MCPH1: variants seen among roughly 807,000 people sequenced by gnomAD.
MCPH1 encodes microcephalin 1.
In MCPH1, 104 loss-of-function variants were observed where a neutral mutation model predicts 84.5. That is an observed-to-expected ratio of 1.23 (90% CI 1.05 to 1.45). The LOEUF (loss-of-function observed/expected upper bound fraction) is 1.45, where lower values mean the gene tolerates loss of function less well. Among genes scored for constraint, MCPH1 ranks in the 40% most tolerant of loss-of-function variants. The pLI is 0.00. For synonymous variants in MCPH1, 514 were observed against 366.8 expected, an observed-to-expected ratio of 1.40 and a Z score of -4.58; for missense variants, 1,498 against 1,005.7, an observed-to-expected ratio of 1.49 and a Z score of -6.62.
At chr8:6,628,059 T>C (rs1019721994) in intron 13 of MCPH1, among the ~76,000 whole-genome samples, 2 of 152,156 alleles carry the variant, frequency 1.3e-5, no homozygotes, top group Admixed American at 6.5e-5. Context: ...TTGGTCAAAC[T>C]AATGGTCCTG....
chr8:6,633,695 A>C (rs1465150088), intron 13 of MCPH1, among the ~76,000 whole-genome samples: 1 of 152,124 alleles, frequency 6.6e-6, no homozygotes, highest in Non-Finnish European at 1.5e-5. Context: ...GCACGCCCAC[A>C]ATGTGTAATA....
intron 4 of MCPH1, among the ~76,000 whole-genome samples, chr8:6,433,705 T>A (rs1296147799): frequency 6.6e-6 from 1 of 151,882 alleles, no homozygotes; most frequent in Non-Finnish European, 1.5e-5. Flanking sequence ...ATCTTTTTAA[T>A]TTTTCCTAAT....
intron 1 of MCPH1, among the ~76,000 whole-genome samples, chr8:6,407,331 C>T (rs1183811562): frequency 6.6e-6 from 1 of 151,972 alleles, no homozygotes; most frequent in Non-Finnish European, 1.5e-5. Context: ...ATTTTTTTAA[C>T]CGCTCTATCA....
At chr8:6,553,200 G>C (rs1209434020) in intron 12 of MCPH1, among the ~76,000 whole-genome samples, 3 of 152,196 alleles carry the variant, frequency 2.0e-5, no homozygotes, top group African/African-American at 7.2e-5. Context: ...GTGTGCCACG[G>C]AGGGGGGATA....
chr8:6,475,389 C>G (rs1411295212), intron 9 of MCPH1, among the ~76,000 whole-genome samples: 1 of 152,230 alleles, frequency 6.6e-6, no homozygotes, highest in African/African-American at 2.4e-5. Flanking sequence ...CTGGCAGACG[C>G]CCTTGTGGCT....
chr8:6,496,175 T>C (rs531825650), intron 11 of MCPH1, among the ~76,000 whole-genome samples: 1 of 152,256 alleles, frequency 6.6e-6, no homozygotes, highest in East Asian at 1.9e-4. Flanking sequence ...GACAGTCCCA[T>C]CGGGGGGTGA....
chr8:6,442,528 C>T (rs576055874), intron 7 of MCPH1, among the ~76,000 whole-genome samples: 4 of 152,216 alleles, frequency 2.6e-5, no homozygotes, highest in South Asian at 2.1e-4. Flanking sequence ...TGTTATTGAA[C>T]GGGGTCAGTG....
rs1804098189 is a variant in MCPH1, at chr8:6,445,129, A to T, written c.1407A>T (p.Arg469Ser). Residue 469 changes from arginine (R) to serine (S), a missense_variant, in exon 8 of 14, where the codon AGA becomes AGT. Arg to Ser is a moderately radical substitution (Grantham distance 110, BLOSUM62 -1). Coordinates refer to ENST00000344683, the MANE Select transcript of MCPH1 (RefSeq NM_024596.5). ...TTTCCTGCGTTGGCAAAAAAACCAG[A>T]ACAGTTGACATTACCAATTTCACAG... is the stretch of plus-strand genomic sequence containing the variant. ...SDFSCVGKKT[R>S]TVDITNFTAK... The T allele has an allele frequency of 6.2e-7, 1 of 1,614,162 alleles. No individual in the cohort carries two copies. The highest frequency in any genetic ancestry group is 8.5e-7 in the Non-Finnish European group (1 of 1,180,060).
At position 6,609,819 on chromosome 8, in the gene MCPH1, G is replaced by GCCCCCCCCC. The variant is rs11280683; in HGVS notation, c.2215-11633_2215-11625dup. Reference sequence around the variant, plus strand: ...TCTCATTATCAAAGCAATGCCCCCCGCCCCCCCCCCACACACAGACTGCCA... The same window carrying GCCCCCCCCC: ...TCTCATTATCAAAGCAATGCCCCCCGCCCCCCCCCCCCCCCCCCCACACACAGACTGCCA... On this transcript the variant is annotated intron_variant, in intron 12 of 13. Transcript: ENST00000344683. Among the ~76,000 whole-genome samples the GCCCCCCCCC allele has an allele frequency of 7.9e-4, 82 of 104,062 alleles. 9 individuals are homozygous for GCCCCCCCCC. The highest frequency in any genetic ancestry group is 2.7e-3 in the South Asian group (6 of 2,218). 68.3% of individuals were successfully genotyped at this position (104,062 alleles called of 152,430 possible). A position where few individuals can be genotyped will look rare whatever the true frequency, so the allele number is the denominator to read the frequency against.
rs1204831975 is a variant in MCPH1, at chr8:6,444,399, A to G, written c.677A>G (p.Tyr226Cys). The change falls in exon 8 of 14, where the codon TAC becomes TGC. Residue 226 changes from tyrosine (Y) to cysteine (C), a missense_variant. By Grantham distance (194) the Tyr-to-Cys change is radical. Coordinates refer to ENST00000344683, the MANE Select transcript of MCPH1 (RefSeq NM_024596.5). ...ISRDTLCSDE[Y>C]FAGGLHSSFD... The stretch of plus-strand genomic sequence containing the variant: ...CTCCGTTAATGTTTTCCAGATGAAT[A>G]CTTTGCTGGTGGCTTACACTCATCT... 1 of 1,614,118 alleles carries G rather than the reference A, an allele frequency of 6.2e-7. No individual in the cohort carries two copies. Among genetic ancestry groups the G allele is most frequent in the Admixed American group, 1.7e-5 (1 of 60,028 alleles).
chr8:6,555,994 C>A (rs568433446), intron 12 of MCPH1, among the ~76,000 whole-genome samples: 5 of 152,296 alleles, frequency 3.3e-5, no homozygotes, highest in Non-Finnish European at 5.9e-5. Context: ...CAATCGGAAT[C>A]TGTCAAGTCT....
rs187657755 is a variant in MCPH1, at chr8:6,479,969, A to C, written c.1974-745A>C. Among the ~76,000 whole-genome samples the C allele has an allele frequency of 1.1e-3, 160 of 152,292 alleles. 1 individual carries two copies. The highest frequency in any genetic ancestry group is 3.8e-3 in the African/African-American group (156 of 41,560). ...GTAGAAAAACTATGTGTTGATACTC[A>C]ATAAATATTACATTTTCAAAATAAA... is the stretch of plus-strand genomic sequence containing the variant. On this transcript the variant is annotated intron_variant, in intron 10 of 13. Transcript: ENST00000344683.
chr8:6,635,074 T>G (rs1264641860), intron 13 of MCPH1: 1 of 152,188 alleles, frequency 6.6e-6, no homozygotes, highest in Non-Finnish European at 1.5e-5. Flanking sequence ...GGTGGTGGTT[T>G]AGAAGAATTC....
intron 12 of MCPH1, among the ~76,000 whole-genome samples, chr8:6,580,202 G>C (rs1827442672): frequency 6.6e-6 from 1 of 152,210 alleles, no homozygotes. Context: ...GACGGCCTCA[G>C]ACCCCAGCCA....
intron 9 of MCPH1, among the ~76,000 whole-genome samples, chr8:6,459,396 C>T (rs1470639989): frequency 6.6e-6 from 1 of 152,130 alleles, no homozygotes; most frequent in Non-Finnish European, 1.5e-5. Context: ...CTGCCTCAGC[C>T]TCCCAGGTAG....
intron 2 of MCPH1, among the ~76,000 whole-genome samples, chr8:6,411,882 G>A (rs564802173): frequency 8.5e-5 from 13 of 152,280 alleles, no homozygotes; most frequent in African/African-American, 2.9e-4. Context: ...GGGAACTAAT[G>A]TGCTCTTATA....
chr8:6,603,501 T>C (rs1485216382), intron 12 of MCPH1, among the ~76,000 whole-genome samples: 4 of 152,226 alleles, frequency 2.6e-5, no homozygotes, highest in Non-Finnish European at 5.9e-5. Flanking sequence ...AAAATGATCC[T>C]GTAGAGCGTT....
In MCPH1 at chr8:6,612,859, G is replaced by A. The variant is rs1253548563; in HGVS notation, c.2215-8595G>A. On this transcript the variant is annotated intron_variant, in intron 12 of 13. Coordinates refer to ENST00000344683, the MANE Select transcript of MCPH1 (RefSeq NM_024596.5). Reference sequence around the variant, plus strand: ...AAGGCAGAGCGTGTGAGTTTAGTGGGCGTGCGCCACTCTTTCAAGAAGTTT... The same window carrying A: ...AAGGCAGAGCGTGTGAGTTTAGTGGACGTGCGCCACTCTTTCAAGAAGTTT... Among the ~76,000 whole-genome samples the A allele has an allele frequency of 2.6e-5, 4 of 152,250 alleles. No homozygotes were observed. In the East Asian group the frequency reaches 7.7e-4, roughly 29 times the overall value.
chr8:6,562,084 A>C (rs1825626013), intron 12 of MCPH1, among the ~76,000 whole-genome samples: 1 of 152,218 alleles, frequency 6.6e-6, no homozygotes, highest in South Asian at 2.1e-4. Flanking sequence ...TGAGATTCTG[A>C]GAAACATAAG....
Sources: gnomAD v4.1 joint callset for allele counts (sites outside exome capture counted in the v4.1 genomes callset) on GRCh38, gnomAD v4.1.1 for gene constraint, MANE v1.5 for transcripts, NCBI Gene and HGNC (gene_info 2026-07-23, HGNC 2026-07-21) for gene names.